Variants in DNM3 observed in about 807,000 individuals in gnomAD.
DNM3 encodes the protein dynamin 3, also known as dynamin-3.
Under a neutral mutation model 101.6 loss-of-function variants are expected in DNM3, and 47 were observed. The observed-to-expected ratio is 0.46, with a 90% CI of 0.37 to 0.59. DNM3 has a LOEUF of 0.59. Ranked by LOEUF, DNM3 falls within the 20% of genes least tolerant of loss-of-function variation. DNM3 has a pLI of 0.00. For synonymous variants in DNM3, 385 were observed against 387.9 expected, an observed-to-expected ratio of 0.99 and a Z score of 0.09; for missense variants, 849 against 1,085.7, an observed-to-expected ratio of 0.78 and a Z score of 3.06.
chr1:172,412,166 C>G lies in DNM3; in HGVS notation c.*4325C>G, dbSNP rs1214738976. On this transcript the variant is annotated 3_prime_UTR_variant, in exon 21 of 21. Coordinates refer to ENST00000627582, the MANE Select transcript of DNM3 (RefSeq NM_015569.5). ...TCATACTGGTATATTGGTGAGACTTCTCACTTCTGGTTGGAGGTTTCACAT... is the reference window on the plus strand; with the variant it reads ...TCATACTGGTATATTGGTGAGACTTGTCACTTCTGGTTGGAGGTTTCACAT... The G allele has an allele frequency of 1.0e-6, 1 of 985,634 alleles. No homozygotes were observed. The highest frequency in any genetic ancestry group is 6.1e-5 in the Admixed American group (1 of 16,262). 61.1% of individuals were successfully genotyped at this position (985,634 alleles called of 1,614,324 possible).
At chr1:172,124,075 TG>T (rs2056478976) in intron 13 of DNM3, among the ~76,000 whole-genome samples, 1 of 152,230 alleles carries the variant, frequency 6.6e-6, no homozygotes, top group Admixed American at 6.5e-5. Flanking sequence ...TTTCAAATTA[TG>T]TTCAGACATG....
At chr1:171,886,534 A>AT (rs576564817) in intron 1 of DNM3, among the ~76,000 whole-genome samples, 53 of 149,718 alleles carry the variant, frequency 3.5e-4, no homozygotes, top group African/African-American at 6.6e-4. Flanking sequence ...TCCCCAACCC[A>AT]TTTTTTTTTT....
intron 14 of DNM3, among the ~76,000 whole-genome samples, chr1:172,196,472 GGAATCACCATACTGCTTTCCACAATGATT>G (rs2059952582): frequency 6.6e-6 from 1 of 152,004 alleles, no homozygotes; most frequent in Non-Finnish European, 1.5e-5. Flanking sequence ...AGCTCTTTGA[GGAATCACCATACTGCTTTCCACAATGATT>G]GAACTAATTT....
intron 2 of DNM3, among the ~76,000 whole-genome samples, chr1:171,938,263 GT>G (rs371444399): frequency 3.2e-4 from 47 of 148,280 alleles, no homozygotes; most frequent in African/African-American, 6.7e-4. Flanking sequence ...TAGCATCAAG[GT>G]TTTTTTTTTG....
intron 14 of DNM3, among the ~76,000 whole-genome samples, chr1:172,141,561 G>A (rs2057582963): frequency 6.6e-6 from 1 of 152,050 alleles, no homozygotes; most frequent in African/African-American, 2.4e-5. Flanking sequence ...ACATTACCAA[G>A]TTGTACTTTT....
intron 4 of DNM3, among the ~76,000 whole-genome samples, chr1:172,002,377 C>A (rs577885691): frequency 4.0e-4 from 61 of 152,090 alleles, no homozygotes; most frequent in African/African-American, 1.4e-3. Flanking sequence ...AAAGACTAAA[C>A]CTGAAGGGTT....
intron 14 of DNM3, among the ~76,000 whole-genome samples, chr1:172,163,981 ACAC>A (rs2058653542): frequency 7.1e-6 from 1 of 139,910 alleles, no homozygotes; most frequent in African/African-American, 2.6e-5. Flanking sequence ...ACACACACAC[ACAC>A]ACATCTCACA....
intron 4 of DNM3, among the ~76,000 whole-genome samples, chr1:172,028,715 G>A (rs999649414): frequency 2.0e-5 from 3 of 152,100 alleles, no homozygotes; most frequent in African/African-American, 7.2e-5. Flanking sequence ...AATAAAAAAT[G>A]ATAAAGGGGA....
At chr1:172,323,212 A>C in intron 16 of DNM3, 117 bp from the exon 17 acceptor site, 1 of 1,006,714 alleles carries the variant, frequency 9.9e-7, no homozygotes, top group Non-Finnish European at 1.4e-6. Flanking sequence ...TAGCAAGAAA[A>C]ACCTCATTTT....
chr1:172,181,443 C>T (rs2059342740), intron 14 of DNM3, among the ~76,000 whole-genome samples: 1 of 150,760 alleles, frequency 6.6e-6, no homozygotes, highest in Admixed American at 6.6e-5. Flanking sequence ...AGATATATAT[C>T]TATATATATC....
chr1:171,902,772 A>G (rs2038476638), intron 1 of DNM3, among the ~76,000 whole-genome samples: 1 of 152,162 alleles, frequency 6.6e-6, no homozygotes, highest in Non-Finnish European at 1.5e-5. Context: ...GGAAATTCCA[A>G]TTTGCCACGT....
chr1:172,288,685 A>G (rs1342082710), intron 15 of DNM3, among the ~76,000 whole-genome samples: 1 of 152,142 alleles, frequency 6.6e-6, no homozygotes, highest in Non-Finnish European at 1.5e-5. Flanking sequence ...GGGGAGAAAG[A>G]GATGTCGTGA....
chr1:171,981,057 G>A (rs1179136794), intron 2 of DNM3, among the ~76,000 whole-genome samples: 3 of 152,134 alleles, frequency 2.0e-5, no homozygotes, highest in African/African-American at 7.2e-5. Context: ...GTGAGCCACC[G>A]TGCCCGGCCT....
At chr1:172,004,326 T>C (rs2046539712) in intron 4 of DNM3, among the ~76,000 whole-genome samples, 2 of 152,054 alleles carry the variant, frequency 1.3e-5, no homozygotes, top group African/African-American at 2.4e-5. Context: ...AGGTTATAAA[T>C]GTCCAGGATG....
At chr1:172,263,597 T>C (rs2062748410) in intron 15 of DNM3, among the ~76,000 whole-genome samples, 1 of 152,166 alleles carries the variant, frequency 6.6e-6, no homozygotes, top group Admixed American at 6.5e-5. Context: ...TCTTACATGG[T>C]GGCAGGCAAG....
chr1:172,332,957 C>G (rs967146292), intron 17 of DNM3, among the ~76,000 whole-genome samples: 16 of 152,022 alleles, frequency 1.1e-4, no homozygotes, highest in Admixed American at 9.8e-4. Context: ...GAAGTTGTTA[C>G]GTATTTAAAA....
chr1:171,889,148 T>G (rs551372603), intron 1 of DNM3, among the ~76,000 whole-genome samples: 9 of 152,142 alleles, frequency 5.9e-5, no homozygotes, highest in African/African-American at 1.9e-4. Flanking sequence ...CCCGGCTAAT[T>G]TTTTTGTTTT....
At chr1:172,348,427 G>A (rs933136721) in intron 17 of DNM3, among the ~76,000 whole-genome samples, 1 of 152,156 alleles carries the variant, frequency 6.6e-6, no homozygotes, top group Non-Finnish European at 1.5e-5. Context: ...CACCTACAAA[G>A]GAGTGGAATT....
chr1:172,201,123 G>A (rs1026116728), intron 14 of DNM3, among the ~76,000 whole-genome samples: 1 of 152,122 alleles, frequency 6.6e-6, no homozygotes, highest in Non-Finnish European at 1.5e-5. Context: ...TGGTTTAAGA[G>A]GATGATATGT....
Sources: allele counts gnomAD v4.1 joint callset (sites outside exome capture counted in the v4.1 genomes callset), GRCh38; gene constraint gnomAD v4.1.1; transcripts MANE v1.5; gene names NCBI Gene and HGNC (gene_info 2026-07-23, HGNC 2026-07-21).